The following NCALD variants were observed in gnomAD, a reference collection of about 807,000 sequenced individuals.
NCALD encodes the protein neurocalcin delta, also known as neurocalcin-delta.
In NCALD, 10 loss-of-function variants were observed where a neutral mutation model predicts 18.6. The ratio of observed to expected loss-of-function variants is 0.54; its 90% CI spans 0.33 to 0.91. The LOEUF (loss-of-function observed/expected upper bound fraction) is 0.91. Ranked by LOEUF, NCALD falls within the 40% of genes least tolerant of loss-of-function variation. The pLI, the probability that NCALD is intolerant of heterozygous loss-of-function variation, is 0.03. For synonymous variants in NCALD, 88 were observed against 87.4 expected (o/e 1.01, Z -0.04); for missense variants, 184 against 247.6 (o/e 0.74, Z 1.72).
chr8:101,938,655 T>TA (rs11285546), intron 2 of NCALD, among the ~76,000 whole-genome samples: 5,190 of 150,058 alleles, frequency 0.035, 108 homozygotes, highest in African/African-American at 0.06. Flanking sequence ...GAAATAATGG[T>TA]AAAAAAAAAA....
chr8:101,721,881 ACT>A (rs1816374480), intron 1 of NCALD, among the ~76,000 whole-genome samples: 1 of 148,280 alleles, frequency 6.7e-6, no homozygotes, highest in Non-Finnish European at 1.5e-5. Flanking sequence ...AGACTCTGTC[ACT>A]CAGGCTGCAA....
chr8:101,820,350 T>C (rs1261151826), intron 4 of NCALD, among the ~76,000 whole-genome samples: 1 of 152,126 alleles, frequency 6.6e-6, no homozygotes, highest in East Asian at 1.9e-4. Context: ...CAAAATATAT[T>C]TGATTAAATA....
intron 1 of NCALD, chr8:101,750,238 C>T (rs553655536): frequency 2.0e-5 from 3 of 152,168 alleles, no homozygotes; most frequent in East Asian, 1.9e-4. Context: ...CCCCATGACA[C>T]GTAGGGATTA....
chr8:101,900,865 G>C (rs938121526), intron 3 of NCALD, among the ~76,000 whole-genome samples: 4 of 151,810 alleles, frequency 2.6e-5, no homozygotes, highest in Non-Finnish European at 5.9e-5. Flanking sequence ...ATAATGTTAT[G>C]GTCTTCTCTA....
intron 1 of NCALD, among the ~76,000 whole-genome samples, chr8:102,097,492 G>A (rs1473068226): frequency 6.6e-6 from 1 of 152,110 alleles, no homozygotes; most frequent in African/African-American, 2.4e-5. Context: ...TTGCTCTGTG[G>A]CTCATCATAA....
At chr8:102,003,613 G>A (rs564864145) in intron 2 of NCALD, among the ~76,000 whole-genome samples, 1,604 of 152,196 alleles carry the variant, frequency 0.011, 13 homozygotes, top group Non-Finnish European at 0.012. Flanking sequence ...GATGAACATC[G>A]ATGCAAAAAT....
chr8:101,988,154 C>CA lies in NCALD; in HGVS notation c.-157+32082dup, dbSNP rs141735735. On this transcript the variant is annotated intron_variant, in intron 2 of 6. Transcript: ENST00000311028. ...TGGGCGAAACAGCGAGACTCCGTCT[C>CA]AAAAAAAAAAAAAGAAAAAAAAAAA... 3.8e-3 allele frequency among the ~76,000 whole-genome samples: 141 copies of CA among 36,684 alleles called. 5 individuals are homozygous for CA. Among genetic ancestry groups the CA allele is most frequent in the African/African-American group, 8.1e-3 (58 of 7,160 alleles). The allele number at this position is 36,684 out of a possible 152,430, so 24.1% of individuals were successfully genotyped here.
intron 1 of NCALD, among the ~76,000 whole-genome samples, chr8:102,034,827 C>T (rs1247101378): frequency 6.6e-6 from 1 of 152,172 alleles, no homozygotes; most frequent in African/African-American, 2.4e-5. Context: ...GCGTCCCCTA[C>T]AGTGCTTGGC....
chr8:101,953,626 C>G (rs149754927), intron 2 of NCALD, among the ~76,000 whole-genome samples: 1 of 152,232 alleles, frequency 6.6e-6, no homozygotes, highest in African/African-American at 2.4e-5. Flanking sequence ...TCAGCCAGAG[C>G]CTTGCTCATG....
At chr8:101,777,604 A>T (rs893009011) in intron 1 of NCALD, among the ~76,000 whole-genome samples, 6 of 152,196 alleles carry the variant, frequency 3.9e-5, no homozygotes, top group Non-Finnish European at 8.8e-5. Context: ...AGAAGGAGAA[A>T]TAGCCTTATA....
Position 102,080,695 on chromosome 8 carries a change from C to T in NCALD, c.-210+43542G>A, listed in dbSNP as rs1824498844. On this transcript the variant is annotated intron_variant, in intron 1 of 6. Transcript: ENST00000311028. ...GAACGCTAAATGTTCTATGAAAACT[C>T]TGCATGGTGGGCATGAGGGCTTGGG... Among the ~76,000 whole-genome samples the T allele has an allele frequency of 2.6e-5, 4 of 152,346 alleles. No individual in the cohort carries two copies. The South Asian group carries it at 8.3e-4, about 32-fold the overall frequency.
chr8:101,791,760 G>T (rs1812455357), upstream of NCALD, among the ~76,000 whole-genome samples: 2 of 152,244 alleles, frequency 1.3e-5, no homozygotes, highest in Admixed American at 6.5e-5. Flanking sequence ...GGCCATACGG[G>T]TGCCAAATGC....
chr8:102,047,867 T>C (rs887156489), intron 1 of NCALD, among the ~76,000 whole-genome samples: 1 of 152,194 alleles, frequency 6.6e-6, no homozygotes, highest in Non-Finnish European at 1.5e-5. Flanking sequence ...ATCAAGAGGT[T>C]TGGAGAATCT....
intron 4 of NCALD, among the ~76,000 whole-genome samples, chr8:101,799,459 A>G (rs1225676036): frequency 2.0e-5 from 3 of 152,212 alleles, no homozygotes; most frequent in Admixed American, 2.0e-4. Flanking sequence ...CGCTAACACA[A>G]AAACCTGAAC....
At chr8:102,043,829 G>C (rs888134579) in intron 1 of NCALD, among the ~76,000 whole-genome samples, 2 of 151,632 alleles carry the variant, frequency 1.3e-5, no homozygotes, top group African/African-American at 4.9e-5. Flanking sequence ...TGGCGTTAGG[G>C]GGCTTGGAAG....
At chr8:101,728,494 C>A (rs542492269) in intron 1 of NCALD, among the ~76,000 whole-genome samples, 12 of 152,310 alleles carry the variant, frequency 7.9e-5, no homozygotes, top group Non-Finnish European at 1.5e-4. Context: ...AACCCAGTAA[C>A]CACAGGGATT....
intron 1 of NCALD, among the ~76,000 whole-genome samples, chr8:101,748,431 T>A (rs1267261486): frequency 6.6e-6 from 1 of 152,190 alleles, no homozygotes; most frequent in Non-Finnish European, 1.5e-5. Context: ...CGTTCATCAA[T>A]CTCACCAGTA....
chr8:102,006,020 A>C (rs948396729), intron 2 of NCALD, among the ~76,000 whole-genome samples: 2 of 150,836 alleles, frequency 1.3e-5, no homozygotes, highest in Non-Finnish European at 2.9e-5. Context: ...CCTAAAACTT[A>C]AAGTATAATA....
intron 2 of NCALD, among the ~76,000 whole-genome samples, chr8:101,996,365 C>T (rs1343124895): frequency 6.6e-6 from 1 of 152,212 alleles, no homozygotes; most frequent in Admixed American, 6.5e-5. Context: ...TTCTACACAT[C>T]AAGTATAATT....
Sources: allele counts gnomAD v4.1 joint callset (sites outside exome capture counted in the v4.1 genomes callset), GRCh38; gene constraint gnomAD v4.1.1; transcripts MANE v1.5; gene names NCBI Gene and HGNC (gene_info 2026-07-23, HGNC 2026-07-21).